LRRFIP1: variants seen among roughly 807,000 people sequenced by gnomAD.
LRRFIP1 encodes leucine-rich repeat flightless-interacting protein 1.
A neutral mutation model predicts 104.4 loss-of-function variants in LRRFIP1; 62 were observed. The ratio of observed to expected loss-of-function variants is 0.59; its 90% confidence interval spans 0.48 to 0.73. LRRFIP1 has a LOEUF of 0.73. LRRFIP1 is among the 30% of genes least tolerant of loss of function. LRRFIP1 has a pLI of 0.00. For synonymous variants in LRRFIP1, 300 were observed against 299.0 expected (o/e 1.00, Z -0.03); for missense variants, 796 against 824.5 (o/e 0.97, Z 0.42).
chr2:237,733,696 A>G (rs2095114819), intron 8 of LRRFIP1, 78 bp from the exon 9 acceptor site: 3 of 1,399,842 alleles, frequency 2.1e-6, no homozygotes, highest in Non-Finnish European at 3.0e-6. Flanking sequence ...TGCTGAAACT[A>G]TCGTGATGGC....
intron 11 of LRRFIP1, among the ~76,000 whole-genome samples, chr2:237,745,181 G>A (rs1298048660): frequency 6.6e-6 from 1 of 152,230 alleles, no homozygotes; most frequent in African/African-American, 2.4e-5. Flanking sequence ...CCCTGCAGCT[G>A]TGACACACTG....
intron 1 of LRRFIP1, among the ~76,000 whole-genome samples, chr2:237,635,942 C>T (rs1437074042): frequency 6.6e-6 from 1 of 151,880 alleles, no homozygotes; most frequent in Non-Finnish European, 1.5e-5. Flanking sequence ...ACTAAAAATA[C>T]AAAAATTAGC....
At chr2:237,663,020 C>A (rs541134333) in intron 1 of LRRFIP1, among the ~76,000 whole-genome samples, 2 of 152,176 alleles carry the variant, frequency 1.3e-5, no homozygotes, top group East Asian at 3.9e-4. Context: ...GTGCTGCTCT[C>A]TGCCTGCGGG....
At chr2:237,692,148 T>TG (rs1332829784) in intron 1 of LRRFIP1, 7 of 612,742 alleles carry the variant, frequency 1.1e-5, no homozygotes, top group South Asian at 8.1e-5. Flanking sequence ...CGGAACTGCG[T>TG]GGGGGGCGGG....
chr2:237,739,158 T>G, intron 10 of LRRFIP1, 74 bp from the exon 11 acceptor site: 1 of 1,351,962 alleles, frequency 7.4e-7, no homozygotes. Flanking sequence ...TGTCGGCCTC[T>G]ATTCTCCTTG....
intron 1 of LRRFIP1, among the ~76,000 whole-genome samples, chr2:237,674,211 T>C (rs1199643532): frequency 1.3e-5 from 2 of 152,032 alleles, no homozygotes; most frequent in East Asian, 1.9e-4. Flanking sequence ...GGATTGGAAA[T>C]ATGAACTGGG....
At position 237,772,080 on chromosome 2, in the gene LRRFIP1, G is replaced by A. The variant is rs1396866545; in HGVS notation, c.1510-1G>A. On this transcript the variant is annotated splice_acceptor_variant, in intron 20 of 23. Coordinates refer to ENST00000308482, the MANE Select transcript of LRRFIP1 (RefSeq NM_001137550.2). LOFTEE classifies it high-confidence loss of function. Reference sequence around the variant, plus strand: ...CAGATTTTACTGGCGGGTGTTTTCAGATTAAGAAACTCAAAGGGCAGCTGG... The same window carrying A: ...CAGATTTTACTGGCGGGTGTTTTCAAATTAAGAAACTCAAAGGGCAGCTGG... 1 of 1,604,922 alleles carries A rather than the reference G, an allele frequency of 6.2e-7. No homozygotes were observed. Among genetic ancestry groups the A allele is most frequent in the Admixed American group, 1.7e-5 (1 of 59,310 alleles).
At chr2:237,763,166 A>G (rs748545843) in intron 19 of LRRFIP1, 2 of 1,614,222 alleles carry the variant, frequency 1.2e-6, no homozygotes, top group South Asian at 1.1e-5. Flanking sequence ...AGCTGAGCCC[A>G]AGGAGGTTCC....
At chr2:237,679,897 C>T (rs144764496) in intron 1 of LRRFIP1, among the ~76,000 whole-genome samples, 2,689 of 152,200 alleles carry the variant, frequency 0.018, 65 homozygotes, top group African/African-American at 0.051. Flanking sequence ...CATGAGCCAC[C>T]GCGCCCAGCC....
chr2:237,655,842 C>T (rs924815879), intron 1 of LRRFIP1, among the ~76,000 whole-genome samples: 13 of 152,224 alleles, frequency 8.5e-5, no homozygotes, highest in African/African-American at 3.1e-4. Flanking sequence ...AAAGACAAAA[C>T]AAGAGAAATA....
chr2:237,643,956 C>T (rs971527557), intron 1 of LRRFIP1, among the ~76,000 whole-genome samples: 2 of 152,170 alleles, frequency 1.3e-5, no homozygotes, highest in Non-Finnish European at 2.9e-5. Context: ...GGGTGGTTTG[C>T]GACCTTACCC....
At chr2:237,656,859 T>A (rs960116413) in intron 1 of LRRFIP1, among the ~76,000 whole-genome samples, 2 of 152,264 alleles carry the variant, frequency 1.3e-5, no homozygotes, top group Non-Finnish European at 2.9e-5. Context: ...AAAATGCAAC[T>A]GCTCCTAAAA....
Position 237,717,402 on chromosome 2 carries a change from G to A in LRRFIP1, c.202-360G>A, listed in dbSNP as rs780186208. 2.0e-5 allele frequency among the ~76,000 whole-genome samples: 3 copies of A among 152,208 alleles called. No individual in the cohort carries two copies. In the South Asian group the frequency reaches 6.2e-4, roughly 31 times the overall value. ...CGATGGTGTTTTATTCCTTCATCGCGTTTGCTTTGAAGGCATGAGCAGCCT... is the reference window on the plus strand; with the variant it reads ...CGATGGTGTTTTATTCCTTCATCGCATTTGCTTTGAAGGCATGAGCAGCCT... On this transcript the variant is annotated intron_variant, in intron 3 of 23. Transcript: ENST00000308482. This position sits in a 1 kb window ranked among gnomAD's most constrained non-coding sequence, Gnocchi z 4.2.
At chr2:237,773,004 A>G in intron 22 of LRRFIP1, 59 bp downstream of exon 22, 1 of 1,417,256 alleles carries the variant, frequency 7.1e-7, no homozygotes, top group Non-Finnish European at 1.0e-6. Flanking sequence ...CTTGCTAGAA[A>G]TAGCCCTGAA....
At chr2:237,738,481 G>T (rs180969089) in intron 10 of LRRFIP1, among the ~76,000 whole-genome samples, 99 of 152,294 alleles carry the variant, frequency 6.5e-4, no homozygotes, top group African/African-American at 2.3e-3. Context: ...ATGCTCCTCA[G>T]GACATGTCGG....
intron 1 of LRRFIP1, among the ~76,000 whole-genome samples, chr2:237,700,557 A>T (rs1465059784): frequency 6.6e-6 from 1 of 152,226 alleles, no homozygotes; most frequent in Non-Finnish European, 1.5e-5. Context: ...GTGTGTAATT[A>T]ATAGGAGAAC....
At position 237,711,515 on chromosome 2, in the gene LRRFIP1, C is replaced by T. The variant is rs778388255; in HGVS notation, c.184-2744C>T. Among the ~76,000 whole-genome samples the T allele has an allele frequency of 6.6e-6, 1 of 152,188 alleles. No individual in the cohort carries two copies. The highest frequency in any genetic ancestry group is 1.5e-5 in the Non-Finnish European group (1 of 68,040). ...CCTTTGGCCAACGTCACCTTTTGCA[C>T]GGTCCTCTGTGGATCTGCAGTCTCG... On this transcript the variant is annotated intron_variant, in intron 2 of 23. Transcript: ENST00000308482. The surrounding 1 kb of genome is among the most constrained non-coding windows in gnomAD (Gnocchi z 4.4).
rs546753171 is a variant in LRRFIP1 at position 237,672,064 on chromosome 2, A to G, written c.97-36480A>G. On this transcript the variant is annotated intron_variant, in intron 1 of 23. Coordinates refer to ENST00000308482, the MANE Select transcript of LRRFIP1 (RefSeq NM_001137550.2). Reference sequence around the variant, plus strand: ...TCATTCTTTTCAAATTCAGTGTTTCAGTAAATAGTTCTTTTCAGCAGACAA... The same window carrying G: ...TCATTCTTTTCAAATTCAGTGTTTCGGTAAATAGTTCTTTTCAGCAGACAA... 1.4e-4 allele frequency among the ~76,000 whole-genome samples: 21 copies of G among 152,046 alleles called. 1 individual carries two copies. The South Asian group carries it at 4.1e-3, about 30-fold the overall frequency.
At chr2:237,760,456 A>G (rs1245894320) in intron 19 of LRRFIP1, among the ~76,000 whole-genome samples, 1 of 152,248 alleles carries the variant, frequency 6.6e-6, no homozygotes, top group African/African-American at 2.4e-5. Context: ...CAAAGCTACC[A>G]AGCAAGACTG....
Sources: allele counts gnomAD v4.1 joint callset (sites outside exome capture counted in the v4.1 genomes callset), GRCh38; gene constraint gnomAD v4.1.1; non-coding constraint Gnocchi (gnomAD v3.1); transcripts MANE v1.5; gene names NCBI Gene and HGNC (gene_info 2026-07-23, HGNC 2026-07-21).